Variants in ZNF266 observed in about 807,000 individuals in gnomAD.
The protein encoded by ZNF266 is zinc finger protein 1.
Under a neutral mutation model 16.4 loss-of-function variants are expected in ZNF266, and 16 were observed. That is an observed-to-expected ratio of 0.98 (90% CI 0.66 to 1.48). ZNF266 has a LOEUF of 1.48. ZNF266 is among the 40% of genes most tolerant of loss of function. The pLI, the probability that ZNF266 is intolerant of heterozygous loss-of-function variation, is 0.00. For missense variants in ZNF266, 738 were observed against 689.1 expected (o/e 1.07, Z -0.79); for synonymous variants, 262 against 237.9 (o/e 1.10, Z -0.93).
chr19:9,413,843 A>C lies in ZNF266; in HGVS notation c.1283T>G (p.Phe428Cys). 6.2e-7 allele frequency: 1 copy of C among 1,614,132 alleles called. No homozygotes were observed. Among genetic ancestry groups the C allele is most frequent in the Non-Finnish European group, 8.5e-7 (1 of 1,179,984 alleles). ...PYKCKDCGKA[F>C]TQNSDLTKHA... ...CTTAGTAAGGTCTGAGTTCTGAGTG[A>C]AGGCTTTCCCACAATCCTTACATTT... is the stretch of plus-strand genomic sequence containing the variant. Residue 428 changes from phenylalanine (F) to cysteine (C), a missense_variant, in exon 11 of 11, where the codon TTC becomes TGC. Transcript: ENST00000592904.
chr19:9,424,355 A>G (rs2123202622), intron 5 of ZNF266, among the ~76,000 whole-genome samples: 1 of 152,340 alleles, frequency 6.6e-6, no homozygotes, highest in East Asian at 1.9e-4. Flanking sequence ...AGAACCTCCG[A>G]GTACTTCTAT....
chr19:9,432,684 G>A (rs1033020131), intron 5 of ZNF266, among the ~76,000 whole-genome samples: 1 of 152,016 alleles, frequency 6.6e-6, no homozygotes, highest in African/African-American at 2.4e-5. Flanking sequence ...ATTAAATATT[G>A]AAATAAATGT....
At position 9,426,707 on chromosome 19, in the gene ZNF266, A is replaced by G. The variant is rs117549687; in HGVS notation, c.-129-6489T>C. On this transcript the variant is annotated intron_variant, in intron 5 of 10. Coordinates refer to ENST00000592904, the MANE Select transcript of ZNF266 (RefSeq NM_001370374.1). ...CTTTAACTAACATTTGGTAAAATGT[A>G]CCAATTAACAAAACTGCATAGGCCT... is the stretch of plus-strand genomic sequence containing the variant. Among the ~76,000 whole-genome samples the G allele has an allele frequency of 6.2e-3, 952 of 152,352 alleles. 6 individuals carry two copies. Among genetic ancestry groups the G allele is most frequent in the Non-Finnish European group, 9.0e-3 (611 of 68,038 alleles).
intron 9 of ZNF266, among the ~76,000 whole-genome samples, chr19:9,416,397 CTT>C (rs78084251): frequency 0.085 from 12,409 of 146,282 alleles, 611 homozygotes; most frequent in South Asian, 0.21. Flanking sequence ...GACTTTCACT[CTT>C]GTCACTCAGG....
chr19:9,426,805 C>T (rs1221586361), intron 5 of ZNF266, among the ~76,000 whole-genome samples: 6 of 152,184 alleles, frequency 3.9e-5, no homozygotes, highest in African/African-American at 1.2e-4. Flanking sequence ...TCCCTAAAAT[C>T]TTAAAAGGGT....
intron 5 of ZNF266, among the ~76,000 whole-genome samples, chr19:9,422,856 A>G (rs531511155): frequency 3.9e-5 from 6 of 152,346 alleles, no homozygotes; most frequent in African/African-American, 1.4e-4. Flanking sequence ...ACACATACAC[A>G]GATTCATCAA....
Position 9,434,830 on chromosome 19 carries a change from C to CCT in ZNF266, c.-443_-442insAG, listed in dbSNP as rs57747888. 0.52 allele frequency: 78,265 copies of CCT among 151,778 alleles called. 20,556 individuals are homozygous for CCT. Among genetic ancestry groups the CCT allele is most frequent in the African/African-American group, 0.59 (24,556 of 41,354 alleles). The allele number at this position is 151,778 out of a possible 1,614,324, so 9.4% of individuals were successfully genotyped here. A position where few individuals can be genotyped will look rare whatever the true frequency, so the allele number is the denominator to read the frequency against. On this transcript the variant is annotated 5_prime_UTR_variant, in exon 3 of 11. Transcript: ENST00000592904. ...CCTCCATTCCTTCTTCCTAAAAGCC[C>CCT]GTTTTGAAGCTCTGTGGGGAGGTAC...
rs2068748165 is a variant in ZNF266 at position 9,414,866 on chromosome 19, T to C, written c.406-146A>G. ...ATATAAGTAATGCCCTTTTGATTTCTTTCCAGCGGAATGACAAAAAACTCC... is the reference window on the plus strand; with the variant it reads ...ATATAAGTAATGCCCTTTTGATTTCCTTCCAGCGGAATGACAAAAAACTCC... On this transcript the variant is annotated intron_variant, in intron 10 of 10. Coordinates refer to ENST00000592904, the MANE Select transcript of ZNF266 (RefSeq NM_001370374.1). 15 of 942,966 alleles carry C rather than the reference T, an allele frequency of 1.6e-5. No homozygotes were observed. In the South Asian group the frequency reaches 4.0e-4, roughly 25 times the overall value. 58.4% of individuals were successfully genotyped at this position (942,966 alleles called of 1,614,324 possible).
chr19:9,431,345 C>T (rs2071558875), intron 5 of ZNF266, among the ~76,000 whole-genome samples: 1 of 152,172 alleles, frequency 6.6e-6, no homozygotes, highest in Non-Finnish European at 1.5e-5. Flanking sequence ...AAAGGACTCC[C>T]ACTAGCAGAG....
At chr19:9,433,202 C>T (rs2071897401) in intron 5 of ZNF266, among the ~76,000 whole-genome samples, 1 of 152,146 alleles carries the variant, frequency 6.6e-6, no homozygotes, top group South Asian at 2.1e-4. Flanking sequence ...TTTCCGTCAT[C>T]GATGTTATAA....
At chr19:9,427,681 C>T (rs2070960533) in intron 5 of ZNF266, among the ~76,000 whole-genome samples, 1 of 152,054 alleles carries the variant, frequency 6.6e-6, no homozygotes, top group Non-Finnish European at 1.5e-5. Context: ...CTGCAGCTTG[C>T]CTCTCCCTCC....
In ZNF266 at chr19:9,414,234, T is replaced by C. The variant is rs745506541; in HGVS notation, c.892A>G (p.Met298Val). ...GGATTGTCTCCAGTGTGGGTTCCCA[T>C]GTGAATATTAAGGTATGCAGAATAT... ...FRYSAYLNIH[M>V]GTHTGDNPYE... Residue 298 changes from methionine (M) to valine (V), a missense_variant, in exon 11 of 11, where the codon ATG becomes GTG. Met to Val is a conservative substitution (Grantham distance 21, BLOSUM62 1). Transcript: ENST00000592904. 3 of 1,614,234 alleles carry C rather than the reference T, an allele frequency of 1.9e-6. No individual in the cohort carries two copies. The highest frequency in any genetic ancestry group is 1.7e-6 in the Non-Finnish European group (2 of 1,180,042).
At chr19:9,431,496 G>C (rs1218230631) in intron 5 of ZNF266, among the ~76,000 whole-genome samples, 2 of 152,202 alleles carry the variant, frequency 1.3e-5, no homozygotes, top group Non-Finnish European at 2.9e-5. Flanking sequence ...GAACACTGAA[G>C]TCCCAGGCCT....
At chr19:9,417,270 G>A (rs1036167189) in intron 9 of ZNF266, among the ~76,000 whole-genome samples, 2 of 152,064 alleles carry the variant, frequency 1.3e-5, no homozygotes, top group African/African-American at 4.8e-5. Flanking sequence ...TCGGGAGGAC[G>A]AGTACTCAGG....
At chr19:9,426,249 G>C (rs2070726948) in intron 5 of ZNF266, among the ~76,000 whole-genome samples, 1 of 151,522 alleles carries the variant, frequency 6.6e-6, no homozygotes, top group African/African-American at 2.4e-5. Flanking sequence ...GGGCCACTCG[G>C]GACCACCGGG....
At position 9,417,827 on chromosome 19, in the gene ZNF266, C is replaced by G; in HGVS notation, c.316+1G>C. ...CAGGGCGGTCCTTTGTGAACACTCA[C>G]CTTGGAAATCACCTCTCTGCACTGT... On this transcript the variant is annotated splice_donor_variant, in intron 9 of 10. Coordinates refer to ENST00000592904, the MANE Select transcript of ZNF266 (RefSeq NM_001370374.1). LOFTEE classifies it high-confidence loss of function. 1.2e-6 allele frequency: 2 copies of G among 1,613,558 alleles called. No homozygotes were observed. The highest frequency in any genetic ancestry group is 1.7e-6 in the Non-Finnish European group (2 of 1,179,644).
At chr19:9,428,221 G>C (rs1463367439) in intron 5 of ZNF266, among the ~76,000 whole-genome samples, 2 of 152,192 alleles carry the variant, frequency 1.3e-5, no homozygotes, top group Non-Finnish European at 2.9e-5. Flanking sequence ...CTCCTATGCA[G>C]CTGCCCACTG....
Position 9,413,391 on chromosome 19 carries a change from G to A in ZNF266, c.1735C>T (p.Arg579Ter), listed in dbSNP as rs187032532. The A allele has an allele frequency of 1.4e-5, 22 of 1,606,004 alleles. No homozygotes were observed. In the East Asian group the frequency reaches 1.8e-4, roughly 13 times the overall value. Residue 579 changes from arginine (R) to a stop codon, truncating the protein, a stop_gained, in exon 11 of 11, where the codon CGA (arginine) becomes TGA (stop). Coordinates refer to ENST00000592904, the MANE Select transcript of ZNF266 (RefSeq NM_001370374.1). LOFTEE classifies it low-confidence loss of function (END_TRUNC). ...SYSNSFQLHE[R>*]THTGEKPYEC... The stretch of plus-strand genomic sequence containing the variant: ...TAGGGTTTCTCTCCAGTGTGAGTTC[G>A]TTCATGTAACTGAAACGAATTGGAG...
intron 5 of ZNF266, among the ~76,000 whole-genome samples, chr19:9,428,383 C>T (rs764298070): frequency 3.9e-4 from 60 of 152,182 alleles, no homozygotes; most frequent in Non-Finnish European, 5.9e-4. Context: ...CTGATGCCAG[C>T]GTGCTGAAGG....
Sources: allele counts gnomAD v4.1 joint callset (sites outside exome capture counted in the v4.1 genomes callset), GRCh38; gene constraint gnomAD v4.1.1; transcripts MANE v1.5; gene names NCBI Gene and HGNC (gene_info 2026-07-23, HGNC 2026-07-21).